The following TCF7L2 variants were observed in gnomAD, a reference collection of about 807,000 sequenced individuals.
TCF7L2 encodes the protein transcription factor 7 like 2, also known as transcription factor 7-like 2.
Under a neutral mutation model 77.9 loss-of-function variants are expected in TCF7L2, and 23 were observed. The ratio of observed to expected loss-of-function variants is 0.30; its 90% confidence interval spans 0.21 to 0.42. The LOEUF (loss-of-function observed/expected upper bound fraction) is 0.42, where lower values mean the gene tolerates loss of function less well. Among genes scored for constraint, TCF7L2 ranks in the 10% least tolerant of loss-of-function variants. TCF7L2 has a pLI of 1.00. For missense variants in TCF7L2, 654 were observed against 793.1 expected (o/e 0.82, Z 2.11); for synonymous variants, 413 against 340.2 (o/e 1.21, Z -2.36).
At chr10:113,150,191 A>G (rs1564966766) in intron 8 of TCF7L2, among the ~76,000 whole-genome samples, 2 of 152,250 alleles carry the variant, frequency 1.3e-5, no homozygotes, top group African/African-American at 2.4e-5. Context: ...ATAATCATTT[A>G]GAAGACTTCT....
chr10:113,123,396 G>A lies in TCF7L2; in HGVS notation c.553-17788G>A, dbSNP rs541679023. ...TACTTTAGACATCTCAGGTTATTTG[G>A]AAGTCAGTCTATGCTTGAAAAATCT... On this transcript the variant is annotated intron_variant, in intron 5 of 13. Coordinates refer to ENST00000627217, the MANE Select transcript of TCF7L2 (RefSeq NM_001146274.2). Among the ~76,000 whole-genome samples the A allele has an allele frequency of 2.0e-5, 3 of 152,344 alleles. No homozygotes were observed. The East Asian group carries it at 5.8e-4, about 29-fold the overall frequency.
At chr10:113,040,484 GAGGGAATTAGAA>G (rs907766830) in intron 5 of TCF7L2, among the ~76,000 whole-genome samples, 3 of 152,204 alleles carry the variant, frequency 2.0e-5, no homozygotes, top group Non-Finnish European at 4.4e-5. Flanking sequence ...AAGTGAAGAA[GAGGGAATTAGAA>G]AACTCAAAAG....
chr10:113,006,732 A>C (rs542880215), intron 4 of TCF7L2, among the ~76,000 whole-genome samples: 2 of 152,258 alleles, frequency 1.3e-5, no homozygotes, highest in South Asian at 4.2e-4. Context: ...TCTGCTTGCC[A>C]CTCCCAAATG....
chr10:113,037,251 T>C (rs543590706), intron 4 of TCF7L2, among the ~76,000 whole-genome samples: 11 of 152,288 alleles, frequency 7.2e-5, no homozygotes, highest in Non-Finnish European at 1.6e-4. Context: ...TGAATGCCAG[T>C]TAAGATTCAA....
intron 5 of TCF7L2, among the ~76,000 whole-genome samples, chr10:113,106,011 C>T (rs2062259446): frequency 6.6e-6 from 1 of 152,152 alleles, no homozygotes; most frequent in Admixed American, 6.5e-5. Context: ...AAGAAGATAG[C>T]AGTAAGTGGA....
chr10:113,101,490 C>T (rs1488993867), intron 5 of TCF7L2, among the ~76,000 whole-genome samples: 1 of 151,930 alleles, frequency 6.6e-6, no homozygotes, highest in African/African-American at 2.4e-5. Context: ...CTGCAGTGAG[C>T]TCTAATTGAG....
chr10:112,951,307 G>T, intron 2 of TCF7L2, 34 bp downstream of exon 2: 1 of 1,107,616 alleles, frequency 9.0e-7, no homozygotes, highest in Non-Finnish European at 1.1e-6. Flanking sequence ...CAGCCGCCCG[G>T]AGCCGCCCCC....
chr10:113,071,243 C>A (rs968415503), intron 5 of TCF7L2, among the ~76,000 whole-genome samples: 7 of 152,096 alleles, frequency 4.6e-5, no homozygotes, highest in African/African-American at 1.4e-4. Flanking sequence ...GAGCCATGTT[C>A]TATTTAGTGG....
intron 5 of TCF7L2, among the ~76,000 whole-genome samples, chr10:113,097,611 C>T (rs2061145522): frequency 8.1e-6 from 1 of 123,696 alleles, no homozygotes; most frequent in Non-Finnish European, 1.6e-5. Context: ...CAAGACTGCA[C>T]CACTGCAGGG....
chr10:113,128,776 AAG>A (rs2066075760), intron 5 of TCF7L2, among the ~76,000 whole-genome samples: 1 of 152,110 alleles, frequency 6.6e-6, no homozygotes, highest in Non-Finnish European at 1.5e-5. Context: ...CTTCATGTAA[AAG>A]AGGACGATTT....
chr10:113,130,752 A>AATTATT lies in TCF7L2; in HGVS notation c.553-10410_553-10405dup, dbSNP rs147371098. Among the ~76,000 whole-genome samples, 794 of 148,906 alleles carry AATTATT rather than the reference A, an allele frequency of 5.3e-3. 8 individuals are homozygous for AATTATT. Among genetic ancestry groups the AATTATT allele is most frequent in the African/African-American group, 0.011 (430 of 40,440 alleles). On this transcript the variant is annotated intron_variant, in intron 5 of 13. Transcript: ENST00000627217. ...ACTGTGTGGTGATATCTTTTTAAAAAATTATTATTATTATTATTATTATTA... is the reference window on the plus strand; with the variant it reads ...ACTGTGTGGTGATATCTTTTTAAAAAATTATTATTATTATTATTATTATTATTATTA...
At chr10:113,143,221 G>C (rs1308575705) in intron 6 of TCF7L2, among the ~76,000 whole-genome samples, 2 of 152,254 alleles carry the variant, frequency 1.3e-5, no homozygotes, top group Non-Finnish European at 2.9e-5. Context: ...CTTAGCCCCT[G>C]CGACGCACGC....
At chr10:112,960,792 A>G (rs1164979377) in intron 3 of TCF7L2, among the ~76,000 whole-genome samples, 2 of 151,972 alleles carry the variant, frequency 1.3e-5, no homozygotes, top group Admixed American at 6.6e-5. Context: ...GGCTCAAGCA[A>G]TTCTCCTGCC....
intron 4 of TCF7L2, among the ~76,000 whole-genome samples, chr10:113,001,960 G>A (rs12098651): frequency 0.061 from 9,256 of 152,220 alleles, 907 homozygotes; most frequent in African/African-American, 0.21. Flanking sequence ...TAGAGGCTAC[G>A]AGACGTGAGG....
At chr10:113,165,427 G>C in intron 13 of TCF7L2, 128 bp from the exon 15 acceptor site, 3 of 1,048,560 alleles carry the variant, frequency 2.9e-6, no homozygotes, top group Non-Finnish European at 4.3e-6. Flanking sequence ...ATTGTCCTCG[G>C]ACCACTGGGC....
intron 5 of TCF7L2, among the ~76,000 whole-genome samples, chr10:113,073,099 C>T (rs886545992): frequency 2.9e-5 from 3 of 103,962 alleles, no homozygotes; most frequent in African/African-American, 1.3e-4. Context: ...AGGGCCAGGT[C>T]GTGTGTGTGT....
intron 5 of TCF7L2, among the ~76,000 whole-genome samples, chr10:113,131,868 AT>A (rs1481480895): frequency 2.0e-5 from 3 of 152,156 alleles, no homozygotes; most frequent in Non-Finnish European, 4.4e-5. Context: ...ACATTTGAGG[AT>A]TTTTGAAAAA....
chr10:113,121,775 A>AAC (rs59915449), intron 5 of TCF7L2, among the ~76,000 whole-genome samples: 35,923 of 149,026 alleles, frequency 0.24, 4,821 homozygotes, highest in East Asian at 0.68. Flanking sequence ...ACATACACAC[A>AAC]ACACACACAC....
chr10:113,114,811 T>C (rs1036346781), intron 5 of TCF7L2, among the ~76,000 whole-genome samples: 2 of 152,220 alleles, frequency 1.3e-5, no homozygotes, highest in Non-Finnish European at 2.9e-5. Context: ...TCAGTTTGCT[T>C]TGGCTTATCA....
Sources: gnomAD v4.1 joint callset for allele counts (sites outside exome capture counted in the v4.1 genomes callset) on GRCh38, gnomAD v4.1.1 for gene constraint, MANE v1.5 for transcripts, NCBI Gene and HGNC (gene_info 2026-07-23, HGNC 2026-07-21) for gene names.